Variants in IL16 observed in about 807,000 individuals in gnomAD.
IL16 encodes the protein interleukin 16.
Under a neutral mutation model 110.1 loss-of-function variants are expected in IL16, and 67 were observed. That is an observed-to-expected ratio of 0.61 (90% CI 0.50 to 0.75). The LOEUF (loss-of-function observed/expected upper bound fraction) is 0.75, where lower values mean the gene tolerates loss of function less well. Among genes scored for constraint, IL16 ranks in the 30% least tolerant of loss-of-function variants. The pLI, the probability that IL16 is intolerant of heterozygous loss-of-function variation, is 0.00. For synonymous variants in IL16, 689 were observed against 662.9 expected (o/e 1.04, Z -0.61); for missense variants, 1,545 against 1,655.0 (o/e 0.93, Z 1.15).
intron 1 of IL16, among the ~76,000 whole-genome samples, chr15:81,207,257 AAAAAC>A (rs1375306233): frequency 6.6e-6 from 1 of 151,536 alleles, no homozygotes; most frequent in African/African-American, 2.4e-5. Flanking sequence ...AAAAAAAAAA[AAAAAC>A]AAAAAAAAGA....
intron 2 of IL16, among the ~76,000 whole-genome samples, chr15:81,236,912 C>A (rs1324639071): frequency 6.6e-6 from 1 of 152,026 alleles, no homozygotes; most frequent in East Asian, 1.9e-4. Context: ...GAGCTGAGAT[C>A]GCAACCATTG....
At chr15:81,291,123 C>A (rs1244645091) in intron 11 of IL16, among the ~76,000 whole-genome samples, 1 of 152,226 alleles carries the variant, frequency 6.6e-6, no homozygotes, top group African/African-American at 2.4e-5. Flanking sequence ...CATGCCTAGC[C>A]ATTGGGCATT....
chr15:81,262,210 T>A (rs1452321877), intron 3 of IL16, among the ~76,000 whole-genome samples: 1 of 152,252 alleles, frequency 6.6e-6, no homozygotes, highest in Non-Finnish European at 1.5e-5. Flanking sequence ...AGCCTCTTGG[T>A]TAAATTAATA....
At chr15:81,299,219 T>C in intron 13 of IL16, 161 bp from the exon 14 acceptor site, 1 of 1,116,778 alleles carries the variant, frequency 9.0e-7, no homozygotes, top group Non-Finnish European at 1.3e-6. Context: ...GGCAGCTCAG[T>C]CAGGTAATAG....
At chr15:81,279,411 T>A (rs1899065717) in intron 7 of IL16, 147 bp from the exon 8 acceptor site, 2 of 612,834 alleles carry the variant, frequency 3.3e-6, no homozygotes, top group African/African-American at 3.7e-5. Flanking sequence ...AAATATGTCA[T>A]AATATAATTT....
Position 81,279,649 on chromosome 15 carries a change from G to A in IL16, c.956G>A (p.Arg319His), listed in dbSNP as rs200719244. 6.2e-4 allele frequency: 1,001 copies of A among 1,614,042 alleles called. 6 individuals are homozygous for A. Among genetic ancestry groups the A allele is most frequent in the Admixed American group, 6.8e-4 (41 of 60,004 alleles). The change falls in exon 8 of 19, where the codon CGC becomes CAC. Residue 319 changes from arginine to histidine, a missense_variant. By Grantham distance (29) the Arg-to-His change is conservative. Around this residue, in one of 3 missense-constraint regions of IL16, gnomAD observed 1,185 missense variants for 1,238.8 expected, o/e 0.96. Transcript: ENST00000683961. ...AGCCACCTGTCTCCCCCACTGTGCC[G>A]CTCCCTGAGCTCCAGCACTTGTATC... ...LCSHLSPPLC[R>H]SLSSSTCITK...
At chr15:81,258,773 C>A (rs5007097) in intron 2 of IL16, among the ~76,000 whole-genome samples, 65,413 of 149,290 alleles carry the variant, frequency 0.44, 14,359 homozygotes, top group South Asian at 0.53. Context: ...CTCTCTCTCT[C>A]TATATATATA....
chr15:81,285,877 G>A (rs1899428535), intron 10 of IL16, 47 bp downstream of exon 10: 1 of 1,597,200 alleles, frequency 6.3e-7, no homozygotes, highest in East Asian at 2.2e-5. Context: ...CACTCGTTCA[G>A]TACCAAAATT....
chr15:81,203,349 T>G (rs1455229872), intron 1 of IL16, among the ~76,000 whole-genome samples: 2 of 151,986 alleles, frequency 1.3e-5, no homozygotes, highest in African/African-American at 2.4e-5. Flanking sequence ...GTCAATTTTG[T>G]CTTTTGTTGC....
At chr15:81,198,239 A>G (rs1431637122) in intron 1 of IL16, among the ~76,000 whole-genome samples, 1 of 152,164 alleles carries the variant, frequency 6.6e-6, no homozygotes, top group African/African-American at 2.4e-5. Context: ...TTCAAGCCCC[A>G]GGCACCAAGC....
At chr15:81,187,268 C>A (rs781671609) in intron 1 of IL16, among the ~76,000 whole-genome samples, 35 of 152,102 alleles carry the variant, frequency 2.3e-4, no homozygotes, top group Non-Finnish European at 4.3e-4. Flanking sequence ...AAGTGTATAT[C>A]CCAGTGTAAA....
chr15:81,279,585 A>G lies in IL16; in HGVS notation c.892A>G (p.Thr298Ala). ...KQAKKGLLTL[T>A]VRTRLTAPPS... is the part of the protein sequence containing the mutation. ...AGCCAAAAAGGGGCTCCTCACCCTC[A>G]CCGTGAGAACCCGCCTGACGGCGCC... Residue 298 changes from threonine (T) to alanine (A), a missense_variant, in exon 8 of 19, where the codon ACC (threonine) becomes GCC (alanine). Thr to Ala is a moderately conservative substitution (Grantham distance 58, BLOSUM62 0). Around this residue, in one of 3 missense-constraint regions of IL16, gnomAD observed 1,185 missense variants for 1,238.8 expected, o/e 0.96. Coordinates refer to ENST00000683961, the MANE Select transcript of IL16 (RefSeq NM_172217.5). 1 of 1,613,598 alleles carries G rather than the reference A, an allele frequency of 6.2e-7. No individual in the cohort carries two copies. Among genetic ancestry groups the G allele is most frequent in the Non-Finnish European group, 8.5e-7 (1 of 1,180,006 alleles).
chr15:81,262,664 G>T (rs899160713), intron 3 of IL16, among the ~76,000 whole-genome samples: 2 of 152,224 alleles, frequency 1.3e-5, no homozygotes, highest in African/African-American at 4.8e-5. Context: ...GGGCGCAGTG[G>T]CTCACGCCTG....
chr15:81,202,511 T>C (rs1895856976), intron 1 of IL16, among the ~76,000 whole-genome samples: 1 of 140,116 alleles, frequency 7.1e-6, no homozygotes, highest in South Asian at 2.6e-4. Flanking sequence ...GTGTGTGATG[T>C]TCCCCTTCCT....
At chr15:81,301,964 G>A (rs1001399510) in intron 15 of IL16, 1 of 153,370 alleles carries the variant, frequency 6.5e-6, no homozygotes, top group Non-Finnish European at 1.5e-5. Flanking sequence ...CTGATCCCAG[G>A]GCTCACAAGT....
intron 14 of IL16, 31 bp downstream of exon 14, chr15:81,300,506 C>T (rs114719112): frequency 1.4e-6 from 2 of 1,390,652 alleles, no homozygotes; most frequent in Non-Finnish European, 2.0e-6. Flanking sequence ...TTTCTCTTTA[C>T]CTTTCTCATC....
Position 81,259,787 on chromosome 15 carries a change from T to A in IL16, c.328T>A (p.Ser110Thr). ...TGTTTTGCAGGAATCTTCCACAGCT[T>A]CCTCTCGAGAAAAGCCTGGAAAACT... ...IFFMKESSTA[S>T]SREKPGKLEA... Residue 110 changes from serine to threonine, a missense_variant, in exon 3 of 19, where the codon TCC (serine) becomes ACC (threonine). Around this residue, in one of 3 missense-constraint regions of IL16, gnomAD observed 1,185 missense variants for 1,238.8 expected, o/e 0.96. Coordinates refer to ENST00000683961, the MANE Select transcript of IL16 (RefSeq NM_172217.5). The A allele has an allele frequency of 1.2e-6, 2 of 1,613,062 alleles. No individual in the cohort carries two copies. Among genetic ancestry groups the A allele is most frequent in the Non-Finnish European group, 8.5e-7 (1 of 1,179,096 alleles).
At chr15:81,225,856 C>T in intron 2 of IL16, 145 bp downstream of exon 2, 2 of 702,932 alleles carry the variant, frequency 2.8e-6, no homozygotes, top group Non-Finnish European at 4.6e-6. Flanking sequence ...TGAGGCAGGG[C>T]CCACTGGAAC....
chr15:81,238,458 A>G (rs905265889), intron 2 of IL16, among the ~76,000 whole-genome samples: 1 of 152,210 alleles, frequency 6.6e-6, no homozygotes, highest in African/African-American at 2.4e-5. Flanking sequence ...ATTACCATAT[A>G]TGCACATAAC....
Sources: gnomAD v4.1 joint callset for allele counts (sites outside exome capture counted in the v4.1 genomes callset) on GRCh38, gnomAD v4.1.1 for gene constraint, gnomAD v4.1.1 regional missense constraint, MANE v1.5 for transcripts, NCBI Gene and HGNC (gene_info 2026-07-23, HGNC 2026-07-21) for gene names.